The following SPAG16 variants were observed in gnomAD, a reference collection of about 807,000 sequenced individuals.
SPAG16 encodes the protein sperm-associated antigen 16 protein.
Under a neutral mutation model 80.4 loss-of-function variants are expected in SPAG16, and 86 were observed. That is an observed-to-expected ratio of 1.07 (90% confidence interval 0.90 to 1.28). The LOEUF (loss-of-function observed/expected upper bound fraction) is 1.28. Ranked by LOEUF, SPAG16 falls within the 50% of genes most tolerant of loss-of-function variation. The pLI, the probability that SPAG16 is intolerant of heterozygous loss-of-function variation, is 0.00. For missense variants in SPAG16, 870 were observed against 765.3 expected (o/e 1.14, Z -1.61); for synonymous variants, 294 against 265.9 (o/e 1.11, Z -1.03).
intron 10 of SPAG16, among the ~76,000 whole-genome samples, chr2:213,662,831 T>C (rs1434452630): frequency 6.6e-6 from 1 of 152,064 alleles, no homozygotes; most frequent in East Asian, 1.9e-4. Flanking sequence ...TCTAAAGAGA[T>C]CAGATTGTAT....
intron 10 of SPAG16, among the ~76,000 whole-genome samples, chr2:213,696,074 A>G (rs930227641): frequency 1.3e-5 from 2 of 152,128 alleles, no homozygotes; most frequent in South Asian, 2.1e-4. Context: ...GATTAAGAGT[A>G]TATCTAGAGG....
intron 5 of SPAG16, among the ~76,000 whole-genome samples, chr2:213,339,832 A>G (rs968505323): frequency 6.6e-6 from 1 of 152,050 alleles, no homozygotes; most frequent in East Asian, 1.9e-4. Context: ...ATATATTTCA[A>G]TTTTCCAAGC....
intron 11 of SPAG16, among the ~76,000 whole-genome samples, chr2:213,928,173 C>T (rs2078576667): frequency 6.6e-6 from 1 of 152,016 alleles, no homozygotes; most frequent in Admixed American, 6.5e-5. Context: ...GCAACCTCTG[C>T]CTTCCGGGTT....
chr2:213,646,789 C>T (rs560941180), intron 10 of SPAG16, among the ~76,000 whole-genome samples: 4 of 152,284 alleles, frequency 2.6e-5, no homozygotes, highest in African/African-American at 7.2e-5. Flanking sequence ...CCTGTGTACT[C>T]TGGAAACAGC....
chr2:213,855,369 C>T (rs1053989412), intron 10 of SPAG16, among the ~76,000 whole-genome samples: 1 of 152,192 alleles, frequency 6.6e-6, no homozygotes, highest in Non-Finnish European at 1.5e-5. Context: ...TCTGGCTTTA[C>T]CACTTCCTAG....
At chr2:214,145,412 CTTTAA>C (rs1042683009) in intron 14 of SPAG16, among the ~76,000 whole-genome samples, 2 of 151,872 alleles carry the variant, frequency 1.3e-5, no homozygotes, top group Non-Finnish European at 2.9e-5. Context: ...ATACATTTTT[CTTTAA>C]TTTATAATAA....
At chr2:213,822,322 A>G (rs1031533245) in intron 10 of SPAG16, among the ~76,000 whole-genome samples, 4 of 152,012 alleles carry the variant, frequency 2.6e-5, no homozygotes, top group Non-Finnish European at 5.9e-5. Context: ...TGCCATTTGT[A>G]TATCTTCTTT....
chr2:214,259,561 G>C (rs1397436007), intron 15 of SPAG16, among the ~76,000 whole-genome samples: 2 of 140,376 alleles, frequency 1.4e-5, no homozygotes, highest in Non-Finnish European at 3.0e-5. Context: ...CACACGTTTC[G>C]GCAGATATAA....
At chr2:213,731,172 TTGAG>T (rs2067018687) in intron 10 of SPAG16, among the ~76,000 whole-genome samples, 1 of 112,220 alleles carries the variant, frequency 8.9e-6, no homozygotes, top group Non-Finnish European at 2.0e-5. Context: ...TTTTTTTTTT[TTGAG>T]TTGGAGTTTT....
intron 10 of SPAG16, among the ~76,000 whole-genome samples, chr2:213,643,348 T>TTATATATATATA (rs61608932): frequency 2.6e-5 from 1 of 39,134 alleles, no homozygotes; most frequent in Non-Finnish European, 4.7e-5. Context: ...GATCTTAATT[T>TTATATATATATA]TATATATATA....
intron 13 of SPAG16, among the ~76,000 whole-genome samples, chr2:214,072,999 T>C (rs1301523616): frequency 6.6e-6 from 1 of 152,112 alleles, no homozygotes; most frequent in Non-Finnish European, 1.5e-5. Context: ...AGTTAAAATT[T>C]CTAGTGACAA....
At chr2:213,575,496 T>C (rs1340899967) in intron 10 of SPAG16, among the ~76,000 whole-genome samples, 1 of 152,134 alleles carries the variant, frequency 6.6e-6, no homozygotes, top group Non-Finnish European at 1.5e-5. Flanking sequence ...TTAAGTCTTA[T>C]ATTGGGAATT....
chr2:213,649,356 A>G lies in SPAG16; in HGVS notation c.1070+159266A>G, dbSNP rs186085085. On this transcript the variant is annotated intron_variant, in intron 10 of 15. Transcript: ENST00000331683. ...AGGTCTGTGTTTCTGGAGAAAGGTT[A>G]TACAATGAGGAGGTAGCTGGGTGAT... is the stretch of plus-strand genomic sequence containing the variant. 3.3e-3 allele frequency among the ~76,000 whole-genome samples: 502 copies of G among 152,340 alleles called. 7 individuals are homozygous for G. Among genetic ancestry groups the G allele is most frequent in the Middle Eastern group, 6.8e-3 (2 of 294 alleles).
chr2:213,661,126 A>G (rs2063411700), intron 10 of SPAG16, among the ~76,000 whole-genome samples: 1 of 152,190 alleles, frequency 6.6e-6, no homozygotes, highest in Non-Finnish European at 1.5e-5. Flanking sequence ...GTGTTTCACC[A>G]TGTGTTTGTG....
intron 15 of SPAG16, among the ~76,000 whole-genome samples, chr2:214,325,922 G>T (rs902205844): frequency 1.3e-5 from 2 of 152,110 alleles, no homozygotes; most frequent in Admixed American, 6.6e-5. Flanking sequence ...TGCCCTCCAT[G>T]AGCATAGGAA....
chr2:213,563,053 A>C (rs546465687), intron 10 of SPAG16, among the ~76,000 whole-genome samples: 1 of 152,340 alleles, frequency 6.6e-6, no homozygotes, highest in African/African-American at 2.4e-5. Context: ...CAACCATAGC[A>C]GTGACCTTCT....
At chr2:213,299,166 A>G (rs751877049) in intron 3 of SPAG16, among the ~76,000 whole-genome samples, 91 of 152,332 alleles carry the variant, frequency 6.0e-4, no homozygotes, top group Admixed American at 2.0e-3. Flanking sequence ...GAAGATTGCA[A>G]GTAAATGGTT....
chr2:213,593,482 G>A (rs2060777808), intron 10 of SPAG16, among the ~76,000 whole-genome samples: 1 of 151,862 alleles, frequency 6.6e-6, no homozygotes, highest in Non-Finnish European at 1.5e-5. Context: ...TACCTTTTTA[G>A]GTGCTTTCAT....
chr2:213,414,198 C>T (rs1475816613), intron 9 of SPAG16, among the ~76,000 whole-genome samples: 1 of 152,156 alleles, frequency 6.6e-6, no homozygotes, highest in Non-Finnish European at 1.5e-5. Context: ...ATTAACTACA[C>T]CTCCTGCTAT....
Sources: gnomAD v4.1 joint callset for allele counts (sites outside exome capture counted in the v4.1 genomes callset) on GRCh38, gnomAD v4.1.1 for gene constraint, MANE v1.5 for transcripts, NCBI Gene and HGNC (gene_info 2026-07-23, HGNC 2026-07-21) for gene names.